ADCK1: variants seen among roughly 807,000 people sequenced by gnomAD.
ADCK1 encodes the protein aarF domain containing kinase 1.
In ADCK1, 41 loss-of-function variants were observed where a neutral mutation model predicts 52.3. The observed-to-expected ratio is 0.78, with a 90% CI of 0.61 to 1.02. The LOEUF (loss-of-function observed/expected upper bound fraction) is 1.02, where lower values mean the gene tolerates loss of function less well. Among genes scored for constraint, ADCK1 ranks in the 50% least tolerant of loss-of-function variants. The pLI is 0.00. For missense variants in ADCK1, 658 were observed against 679.5 expected (o/e 0.97, Z 0.35); for synonymous variants, 250 against 274.6 (o/e 0.91, Z 0.89).
intron 4 of ADCK1, among the ~76,000 whole-genome samples, chr14:77,864,121 G>T (rs1479322892): frequency 1.3e-5 from 2 of 152,150 alleles, no homozygotes; most frequent in Non-Finnish European, 2.9e-5. Context: ...AGGGACAAGC[G>T]TATGCTGCAG....
At chr14:77,858,377 C>T (rs1437211964) in intron 3 of ADCK1, among the ~76,000 whole-genome samples, 3 of 152,074 alleles carry the variant, frequency 2.0e-5, no homozygotes, top group Non-Finnish European at 4.4e-5. Context: ...GCTGGGATTA[C>T]AGGTGCCCGC....
chr14:77,854,362 G>A, intron 3 of ADCK1, among the ~76,000 whole-genome samples: 1 of 152,196 alleles, frequency 6.6e-6, no homozygotes, highest in South Asian at 2.1e-4. Flanking sequence ...GTATCAATGT[G>A]CAGATGGTAT....
At chr14:77,902,822 T>C (rs2083576573) in intron 6 of ADCK1, 1 of 152,250 alleles carries the variant, frequency 6.6e-6, no homozygotes, top group African/African-American at 2.4e-5. Context: ...AGCTGCTGCA[T>C]TGAACAGTCT....
chr14:77,832,100 C>G (rs966225787), intron 3 of ADCK1, among the ~76,000 whole-genome samples: 6 of 152,052 alleles, frequency 3.9e-5, no homozygotes, highest in Non-Finnish European at 7.3e-5. Context: ...GCCTCAGCTT[C>G]CTGAGTAGCT....
At position 77,809,917 on chromosome 14, in the gene ADCK1, C is replaced by T. The variant is rs191090139; in HGVS notation, c.-11-9051C>T. Among the ~76,000 whole-genome samples, 99 of 150,348 alleles carry T rather than the reference C, an allele frequency of 6.6e-4. 1 individual carries two copies. Among genetic ancestry groups the T allele is most frequent in the African/African-American group, 2.2e-3 (92 of 41,068 alleles). On this transcript the variant is annotated intron_variant, in intron 1 of 10. Transcript: ENST00000238561. Reference sequence around the variant, plus strand: ...GCCGGGCGTGGTGGCACCTGCCTTTCGTCCCAGCTACTCAGGAGGCTGAGG... The same window carrying T: ...GCCGGGCGTGGTGGCACCTGCCTTTTGTCCCAGCTACTCAGGAGGCTGAGG...
At position 77,899,261 on chromosome 14, in the gene ADCK1, A is replaced by G. The variant is rs1055814234; in HGVS notation, c.741+3A>G. On this transcript the variant is annotated splice_donor_region_variant and intron_variant, in intron 6 of 10. Transcript: ENST00000238561. ...TCAGGCATTTTGACTTCTTGAAGGT[A>G]GGTGGGACGATGCAATGCAGGGTAT... The G allele has an allele frequency of 3.1e-6, 5 of 1,613,942 alleles. No homozygotes were observed. The Admixed American group carries it at 5.0e-5, about 16-fold the overall frequency.
chr14:77,850,207 A>G (rs1594934419), intron 3 of ADCK1, among the ~76,000 whole-genome samples: 1 of 98,044 alleles, frequency 1.0e-5, no homozygotes, highest in African/African-American at 3.7e-5. Context: ...ACCTTGTCTC[A>G]AAAAACAAAC....
At chr14:77,926,159 G>C (rs539655647) in intron 9 of ADCK1, among the ~76,000 whole-genome samples, 198 bp downstream of exon 9, 1 of 152,262 alleles carries the variant, frequency 6.6e-6, no homozygotes, top group East Asian at 1.9e-4. Context: ...GAGGGAAAGG[G>C]GGTGATACCT....
intron 3 of ADCK1, among the ~76,000 whole-genome samples, chr14:77,837,475 T>G (rs1005481051): frequency 6.6e-6 from 1 of 152,310 alleles, no homozygotes; most frequent in Admixed American, 6.5e-5. Context: ...GCAAAGACCC[T>G]TTTTTCTGAA....
intron 4 of ADCK1, among the ~76,000 whole-genome samples, chr14:77,878,652 G>A (rs2082951048): frequency 6.6e-6 from 1 of 152,218 alleles, no homozygotes; most frequent in Non-Finnish European, 1.5e-5. Context: ...TACCTGCCTG[G>A]CCTGGGCCCT....
At chr14:77,827,350 CAAAAAAAAAAAA>C (rs772586548) in intron 3 of ADCK1, among the ~76,000 whole-genome samples, 2 of 72,068 alleles carry the variant, frequency 2.8e-5, no homozygotes, top group East Asian at 4.8e-4. Context: ...GACTCTGTCT[CAAAAAAAAAAAA>C]AAAAAAAAAG....
intron 3 of ADCK1, among the ~76,000 whole-genome samples, chr14:77,838,888 G>A (rs1337367774): frequency 6.6e-6 from 1 of 152,208 alleles, no homozygotes; most frequent in Non-Finnish European, 1.5e-5. Context: ...GGGGTGCTGG[G>A]TGTACAATGG....
At chr14:77,847,891 CA>C (rs2082203853) in intron 3 of ADCK1, among the ~76,000 whole-genome samples, 1 of 152,164 alleles carries the variant, frequency 6.6e-6, no homozygotes, top group South Asian at 2.1e-4. Flanking sequence ...CTTACTGGAA[CA>C]GTTCCCGGGA....
chr14:77,925,686 T>C, intron 8 of ADCK1, 78 bp from the exon 9 acceptor site: 2 of 1,443,626 alleles, frequency 1.4e-6, no homozygotes, highest in South Asian at 2.4e-5. Flanking sequence ...TCTTTTGCAA[T>C]GGTTGGCATC....
At chr14:77,804,858 T>C (rs1249576169) in intron 1 of ADCK1, among the ~76,000 whole-genome samples, 7 of 151,490 alleles carry the variant, frequency 4.6e-5, no homozygotes, top group Admixed American at 1.3e-4. Flanking sequence ...ACATCCTCTG[T>C]GTTTGCCTTG....
intron 3 of ADCK1, among the ~76,000 whole-genome samples, chr14:77,851,352 A>G (rs1042426172): frequency 1.3e-5 from 2 of 151,564 alleles, no homozygotes; most frequent in South Asian, 2.1e-4. Flanking sequence ...TCTTGACCTC[A>G]TGATCTGTCC....
intron 7 of ADCK1, among the ~76,000 whole-genome samples, chr14:77,919,410 G>A (rs2083998340): frequency 1.3e-5 from 2 of 152,196 alleles, no homozygotes; most frequent in African/African-American, 4.8e-5. Flanking sequence ...TGCTGCAAAT[G>A]TCATTATTTC....
intron 4 of ADCK1, among the ~76,000 whole-genome samples, chr14:77,884,475 G>A (rs1395421180): frequency 6.6e-6 from 1 of 152,184 alleles, no homozygotes; most frequent in Admixed American, 6.5e-5. Context: ...TGGGGCCTGG[G>A]CACCAGGTCT....
chr14:77,885,330 C>T (rs889730326), intron 4 of ADCK1, among the ~76,000 whole-genome samples: 1 of 152,148 alleles, frequency 6.6e-6, no homozygotes, highest in African/African-American at 2.4e-5. Context: ...CAGGGAGAAC[C>T]AGACACTGGG....
Sources: allele counts gnomAD v4.1 joint callset (sites outside exome capture counted in the v4.1 genomes callset), GRCh38; gene constraint gnomAD v4.1.1; transcripts MANE v1.5; gene names NCBI Gene and HGNC (gene_info 2026-07-23, HGNC 2026-07-21).